PPP1R16B: variants seen among roughly 807,000 people sequenced by gnomAD.
PPP1R16B encodes protein phosphatase 1 regulatory subunit 16B, also known as protein phosphatase 1 regulatory inhibitor subunit 16B.
In PPP1R16B, 14 loss-of-function variants were observed where a neutral mutation model predicts 61.7. The observed-to-expected ratio is 0.23, with a 90% CI of 0.15 to 0.35. The LOEUF is 0.35. PPP1R16B is among the 10% of genes least tolerant of loss of function. The pLI, the probability that PPP1R16B is intolerant of heterozygous loss-of-function variation, is 1.00. For synonymous variants in PPP1R16B, 266 were observed against 305.3 expected, an observed-to-expected ratio of 0.87 and a Z score of 1.34; for missense variants, 547 against 752.5, an observed-to-expected ratio of 0.73 and a Z score of 3.19.
intron 10 of PPP1R16B, among the ~76,000 whole-genome samples, chr20:38,915,226 C>G (rs1255014640): frequency 3.3e-5 from 5 of 152,118 alleles, no homozygotes. Flanking sequence ...TTGACAAATG[C>G]ATAATGTCAT....
At position 38,922,458 on chromosome 20, in the gene PPP1R16B, C is replaced by G. The variant is rs2085606898; in HGVS notation, c.*3792C>G. The G allele has an allele frequency of 1.3e-5, 2 of 152,652 alleles. No individual in the cohort carries two copies. The highest frequency in any genetic ancestry group is 1.3e-4 in the Admixed American group (2 of 15,276). The allele number at this position is 152,652 out of a possible 1,614,324, so 9.5% of individuals were successfully genotyped here. On this transcript the variant is annotated 3_prime_UTR_variant, in exon 11 of 11. Coordinates refer to ENST00000299824, the MANE Select transcript of PPP1R16B (RefSeq NM_015568.4). ...TAACTTGGGGATGGTCTCCCCTGCC[C>G]CAGGGCACATAAGAGCAAAGGCTCC...
chr20:38,893,202 A>C (rs754621296), intron 3 of PPP1R16B, among the ~76,000 whole-genome samples: 17 of 152,314 alleles, frequency 1.1e-4, no homozygotes, highest in Non-Finnish European at 1.6e-4. Flanking sequence ...AGCATTAGAC[A>C]TTGTTATTGA....
intron 6 of PPP1R16B, among the ~76,000 whole-genome samples, chr20:38,905,365 C>T (rs1051913108): frequency 2.0e-5 from 3 of 152,186 alleles, no homozygotes; most frequent in Non-Finnish European, 4.4e-5. Flanking sequence ...TTAGTGCTGG[C>T]TGTTGGCAGG....
intron 1 of PPP1R16B, among the ~76,000 whole-genome samples, chr20:38,813,070 C>T (rs1201892074): frequency 1.3e-5 from 2 of 152,174 alleles, no homozygotes; most frequent in East Asian, 1.9e-4. Flanking sequence ...TGGTGCAAAC[C>T]GCTTAAGCAT....
At chr20:38,861,096 G>A (rs917771062) in intron 2 of PPP1R16B, among the ~76,000 whole-genome samples, 1 of 152,174 alleles carries the variant, frequency 6.6e-6, no homozygotes, top group Admixed American at 6.5e-5. Context: ...CAGGCAGCAT[G>A]AGTGGAGAAA....
At chr20:38,828,597 C>T (rs1181354728) in intron 1 of PPP1R16B, among the ~76,000 whole-genome samples, 1 of 152,204 alleles carries the variant, frequency 6.6e-6, no homozygotes, top group Non-Finnish European at 1.5e-5. Context: ...ATCCAAAAGC[C>T]AGCTTCCTGC....
chr20:38,912,518 A>AC (rs1331572120), intron 10 of PPP1R16B, among the ~76,000 whole-genome samples: 6 of 151,566 alleles, frequency 4.0e-5, no homozygotes, highest in African/African-American at 1.5e-4. Flanking sequence ...AAAAAAAAAA[A>AC]AAAAACAATT....
At chr20:38,833,748 G>T (rs967282734) in intron 1 of PPP1R16B, among the ~76,000 whole-genome samples, 14 of 152,214 alleles carry the variant, frequency 9.2e-5, no homozygotes, top group Admixed American at 7.8e-4. Flanking sequence ...TGGAACTTTT[G>T]CCCTTTGGGC....
intron 1 of PPP1R16B, among the ~76,000 whole-genome samples, chr20:38,813,767 C>CATT (rs371284370): frequency 0.051 from 6,786 of 131,986 alleles, 202 homozygotes; most frequent in Middle Eastern, 0.11. Flanking sequence ...TCATCATCAT[C>CATT]ATTATTATTA....
chr20:38,807,096 G>T (rs1258787982), intron 1 of PPP1R16B, among the ~76,000 whole-genome samples: 1 of 152,174 alleles, frequency 6.6e-6, no homozygotes, highest in Non-Finnish European at 1.5e-5. Context: ...GCCCTTTCCC[G>T]CAGGGCTCTC....
At chr20:38,894,379 G>A (rs1390666981) in intron 3 of PPP1R16B, among the ~76,000 whole-genome samples, 2 of 152,166 alleles carry the variant, frequency 1.3e-5, no homozygotes, top group Non-Finnish European at 2.9e-5. Context: ...GGTCGTTTCT[G>A]GAGGCCAGGC....
At chr20:38,864,173 C>T (rs1257183040) in intron 2 of PPP1R16B, among the ~76,000 whole-genome samples, 1 of 152,162 alleles carries the variant, frequency 6.6e-6, no homozygotes, top group South Asian at 2.1e-4. Context: ...TTAGGAGTTA[C>T]CTATGGCTCG....
chr20:38,817,143 A>G (rs1338469442), intron 1 of PPP1R16B, among the ~76,000 whole-genome samples: 1 of 152,242 alleles, frequency 6.6e-6, no homozygotes, highest in Non-Finnish European at 1.5e-5. Flanking sequence ...GAAGAGGCAG[A>G]TCTGAAACCA....
chr20:38,906,848 C>T, intron 7 of PPP1R16B, 131 bp from the exon 8 acceptor site: 1 of 742,020 alleles, frequency 1.3e-6, no homozygotes, highest in South Asian at 1.7e-5. Context: ...AGTTTGCAGG[C>T]CTTCCCTGGA....
At chr20:38,872,552 C>A (rs113574685) in intron 2 of PPP1R16B, among the ~76,000 whole-genome samples, 1 of 152,152 alleles carries the variant, frequency 6.6e-6, no homozygotes, top group Admixed American at 6.5e-5. Context: ...TTAGACACCC[C>A]CCTCCTGCAG....
At chr20:38,844,934 A>G (rs570883911) in intron 2 of PPP1R16B, among the ~76,000 whole-genome samples, 7 of 152,260 alleles carry the variant, frequency 4.6e-5, no homozygotes, top group African/African-American at 1.7e-4. Context: ...GGAATGGGAC[A>G]ATACCCTGGG....
At chr20:38,872,161 C>T (rs7273878) in intron 2 of PPP1R16B, among the ~76,000 whole-genome samples, 4,951 of 152,258 alleles carry the variant, frequency 0.033, 257 homozygotes, top group African/African-American at 0.11. Flanking sequence ...AAGACTTCAC[C>T]GGGTGGTGCC....
At chr20:38,824,642 C>T (rs1432218653) in intron 1 of PPP1R16B, among the ~76,000 whole-genome samples, 3 of 152,222 alleles carry the variant, frequency 2.0e-5, no homozygotes, top group Non-Finnish European at 4.4e-5. Context: ...AGGACTTTTT[C>T]CTTCAAGTTC....
chr20:38,852,202 A>G (rs1366753621), intron 2 of PPP1R16B, among the ~76,000 whole-genome samples: 3 of 152,228 alleles, frequency 2.0e-5, no homozygotes, highest in African/African-American at 7.2e-5. Flanking sequence ...TGATTATGGA[A>G]AAAGGGGACT....
Sources: gnomAD v4.1 joint callset for allele counts (sites outside exome capture counted in the v4.1 genomes callset) on GRCh38, gnomAD v4.1.1 for gene constraint, MANE v1.5 for transcripts, NCBI Gene and HGNC (gene_info 2026-07-23, HGNC 2026-07-21) for gene names.